MAST4: variants seen among roughly 807,000 people sequenced by gnomAD.
MAST4 encodes microtubule-associated serine/threonine-protein kinase 4.
A neutral mutation model predicts 162.7 loss-of-function variants in MAST4; 89 were observed. The ratio of observed to expected loss-of-function variants is 0.55; its 90% confidence interval spans 0.46 to 0.65. The LOEUF is 0.65. MAST4 is among the 30% of genes least tolerant of loss of function. The pLI, the probability that MAST4 is intolerant of heterozygous loss-of-function variation, is 0.00. For missense variants in MAST4, 3,153 were observed against 3,374.0 expected, an observed-to-expected ratio of 0.93 and a Z score of 1.62; for synonymous variants, 1,479 against 1,361.1, an observed-to-expected ratio of 1.09 and a Z score of -1.91.
At chr5:66,760,201 C>T (rs922889298) in intron 2 of MAST4, among the ~76,000 whole-genome samples, 10 of 149,488 alleles carry the variant, frequency 6.7e-5, no homozygotes, top group African/African-American at 1.5e-4. Flanking sequence ...CTGCAACCTC[C>T]GCCTCCCAGG....
rs116350875 is a variant in MAST4 at position 67,145,819 on chromosome 5, G to A, written c.3094+440G>A. 5.4e-3 allele frequency among the ~76,000 whole-genome samples: 822 copies of A among 152,296 alleles called. 8 individuals are homozygous for A. Among genetic ancestry groups the A allele is most frequent in the African/African-American group, 0.019 (776 of 41,568 alleles). ...TTGAAGATGTCTTGAATCACCCTAA[G>A]GCACAGTATAAAGCCAGGTTTCTCT... On this transcript the variant is annotated intron_variant, in intron 23 of 28. Transcript: ENST00000403625.
intron 1 of MAST4, among the ~76,000 whole-genome samples, chr5:66,684,454 C>T (rs1021658510): frequency 3.9e-5 from 6 of 151,952 alleles, no homozygotes; most frequent in South Asian, 2.1e-4. Context: ...TCATTTGAAG[C>T]GACAGTAGGT....
chr5:66,964,812 A>C (rs2095098471), intron 4 of MAST4, among the ~76,000 whole-genome samples: 1 of 152,238 alleles, frequency 6.6e-6, no homozygotes. Context: ...CAAAAAAGAA[A>C]AAATCCTGTG....
intron 4 of MAST4, among the ~76,000 whole-genome samples, chr5:67,000,009 G>A (rs949789122): frequency 2.6e-5 from 4 of 152,158 alleles, no homozygotes; most frequent in African/African-American, 7.2e-5. Context: ...TTCTGTCCCA[G>A]TATTAAACTT....
chr5:66,893,070 A>G (rs1762458549), intron 3 of MAST4, among the ~76,000 whole-genome samples: 1 of 152,222 alleles, frequency 6.6e-6, no homozygotes, highest in South Asian at 2.1e-4. Context: ...AGAAAGGAAT[A>G]AGGTAGCTAA....
Position 66,828,665 on chromosome 5 carries a change from G to A in MAST4, c.642+39871G>A, listed in dbSNP as rs117870117. 4.1e-4 allele frequency: 327 copies of A among 794,122 alleles called. 1 individual carries two copies. The East Asian group carries it at 8.1e-3, about 20-fold the overall frequency. 49.2% of individuals were successfully genotyped at this position (794,122 alleles called of 1,614,324 possible). A position where few individuals can be genotyped will look rare whatever the true frequency, so the allele number is the denominator to read the frequency against. The stretch of plus-strand genomic sequence containing the variant: ...CTCTCCCACCGAACTGCAAGCATCC[G>A]TGATCTCCGAAGTTGCTGGAGTGAA... On this transcript the variant is annotated intron_variant, in intron 3 of 28. Transcript: ENST00000403625.
At chr5:66,703,601 C>T (rs1457105518) in intron 1 of MAST4, among the ~76,000 whole-genome samples, 1 of 152,094 alleles carries the variant, frequency 6.6e-6, no homozygotes, top group Non-Finnish European at 1.5e-5. Flanking sequence ...TTGGGATATA[C>T]TTTATACACA....
chr5:66,687,989 A>C (rs1229954361), intron 1 of MAST4, among the ~76,000 whole-genome samples: 2 of 152,210 alleles, frequency 1.3e-5, no homozygotes, highest in African/African-American at 2.4e-5. Flanking sequence ...AAGTCGTTGC[A>C]TAAGTAGTTG....
At chr5:66,676,972 C>G (rs1334960724) in intron 1 of MAST4, among the ~76,000 whole-genome samples, 1 of 152,168 alleles carries the variant, frequency 6.6e-6, no homozygotes, top group African/African-American at 2.4e-5. Context: ...GTTTATAAAA[C>G]ATCTCCTTTT....
At chr5:66,771,274 T>C (rs560263867) in intron 2 of MAST4, among the ~76,000 whole-genome samples, 1 of 152,068 alleles carries the variant, frequency 6.6e-6, no homozygotes, top group Non-Finnish European at 1.5e-5. Flanking sequence ...ACGCTCCACC[T>C]CCCAGGTTCA....
chr5:67,140,018 A>G (rs6882876), intron 19 of MAST4, among the ~76,000 whole-genome samples: 2,371 of 152,356 alleles, frequency 0.016, 39 homozygotes, highest in African/African-American at 0.042. Flanking sequence ...GATAGCAGGC[A>G]GGGGGTAAAA....
At chr5:66,874,105 G>A (rs1185483675) in intron 3 of MAST4, among the ~76,000 whole-genome samples, 1 of 152,162 alleles carries the variant, frequency 6.6e-6, no homozygotes, top group Non-Finnish European at 1.5e-5. Context: ...GGAAAACAAA[G>A]ATAAGTATTG....
chr5:67,164,637 C>T lies in MAST4; in HGVS notation c.5458C>T (p.Leu1820=). Residue 1820 remains leucine, a synonymous_variant, in exon 29 of 29, where the codon CTG becomes TTG. Transcript: ENST00000403625. This position sits in a 1 kb window ranked among gnomAD's most constrained non-coding sequence, Gnocchi z 5.3. ...CGGACCTCAGGCCTCCAAGACAGAA[C>T]TGCCTTCCCCAGAGTCTGCACAGAG... The part of the protein sequence containing the change: ...LSGPQASKTE[L]PSPESAQSPS... The T allele has an allele frequency of 6.2e-7, 1 of 1,614,020 alleles. No homozygotes were observed. Among genetic ancestry groups the T allele is most frequent in the South Asian group, 1.1e-5 (1 of 91,082 alleles).
intron 4 of MAST4, among the ~76,000 whole-genome samples, chr5:66,966,402 G>A (rs921447694): frequency 5.3e-5 from 8 of 152,328 alleles, no homozygotes; most frequent in African/African-American, 1.7e-4. Context: ...TTACAGTGCT[G>A]CTAATATACC....
intron 4 of MAST4, among the ~76,000 whole-genome samples, chr5:66,917,745 C>T (rs1239152311): frequency 2.0e-5 from 3 of 152,070 alleles, no homozygotes; most frequent in African/African-American, 7.2e-5. Flanking sequence ...TATTCTACTC[C>T]TATCTGTCTG....
intron 3 of MAST4, among the ~76,000 whole-genome samples, chr5:66,825,163 A>G (rs1378310670): frequency 6.6e-6 from 1 of 152,158 alleles, no homozygotes; most frequent in Non-Finnish European, 1.5e-5. Context: ...AGCTTAAAAC[A>G]TGCATTATGT....
intron 4 of MAST4, among the ~76,000 whole-genome samples, chr5:66,905,864 G>A (rs1763322747): frequency 6.6e-6 from 1 of 152,138 alleles, no homozygotes; most frequent in Non-Finnish European, 1.5e-5. Flanking sequence ...GTTAAGATAA[G>A]TGATTATGGA....
chr5:66,732,144 G>A (rs780260788), intron 1 of MAST4, among the ~76,000 whole-genome samples: 1 of 151,914 alleles, frequency 6.6e-6, no homozygotes, highest in East Asian at 2.0e-4. Flanking sequence ...GGCCTAATTT[G>A]TACTATTTCT....
chr5:66,677,262 A>C (rs1196324058), intron 1 of MAST4, among the ~76,000 whole-genome samples: 1 of 152,230 alleles, frequency 6.6e-6, no homozygotes, highest in Admixed American at 6.5e-5. Context: ...CACGATTAGA[A>C]AATTATACCC....
Sources: allele counts gnomAD v4.1 joint callset (sites outside exome capture counted in the v4.1 genomes callset), GRCh38; gene constraint gnomAD v4.1.1; non-coding constraint Gnocchi (gnomAD v3.1); transcripts MANE v1.5; gene names NCBI Gene and HGNC (gene_info 2026-07-23, HGNC 2026-07-21).